Variants in DNAJC13 observed in about 807,000 individuals in gnomAD.
DNAJC13 encodes DnaJ heat shock protein family (Hsp40) member C13.
Under a neutral mutation model 290.5 loss-of-function variants are expected in DNAJC13, and 75 were observed. The ratio of observed to expected loss-of-function variants is 0.26; its 90% CI spans 0.21 to 0.31. DNAJC13 has a LOEUF of 0.31. DNAJC13 is among the 10% of genes least tolerant of loss of function. The pLI is 1.00. For synonymous variants in DNAJC13, 862 were observed against 892.0 expected, an observed-to-expected ratio of 0.97 and a Z score of 0.60; for missense variants, 2,260 against 2,674.5, an observed-to-expected ratio of 0.85 and a Z score of 3.42.
rs192659200 is a variant in DNAJC13 at position 132,434,971 on chromosome 3, C to A, written c.68+353C>A. Among the ~76,000 whole-genome samples the A allele has an allele frequency of 1.3e-5, 2 of 152,248 alleles. 1 individual carries two copies. The highest frequency in any genetic ancestry group is 1.3e-4 in the Admixed American group (2 of 15,294). On this transcript the variant is annotated intron_variant, in intron 2 of 55. Transcript: ENST00000260818. Reference sequence around the variant, plus strand: ...TACCCAGTGACTAACCTGTCTGTAGCCAACATTTTCATATCCGTTTGACTG... The same window carrying A: ...TACCCAGTGACTAACCTGTCTGTAGACAACATTTTCATATCCGTTTGACTG...
intron 41 of DNAJC13, 50 bp from the exon 42 acceptor site, chr3:132,505,252 T>A (rs1309853678): frequency 2.5e-6 from 3 of 1,184,512 alleles, no homozygotes; most frequent in Non-Finnish European, 3.7e-6. Context: ...AGTGATAATG[T>A]CAATAAGTTT....
At chr3:132,445,396 A>G (rs1253727456) in intron 2 of DNAJC13, among the ~76,000 whole-genome samples, 2 of 152,104 alleles carry the variant, frequency 1.3e-5, no homozygotes, top group Admixed American at 6.5e-5. Context: ...TGTTACTGCT[A>G]ATATTAGCTT....
intron 26 of DNAJC13, 94 bp downstream of exon 26, chr3:132,480,564 C>T (rs1390961311): frequency 1.1e-6 from 1 of 919,476 alleles, no homozygotes; most frequent in East Asian, 2.6e-5. Flanking sequence ...GATGTGGTCA[C>T]ACACTTATTT....
rs1192597806 is a variant in DNAJC13 at position 132,456,313 on chromosome 3, C to A, written c.1011C>A (p.Thr337=). 5.0e-6 allele frequency: 8 copies of A among 1,613,892 alleles called. No individual in the cohort carries two copies. Among genetic ancestry groups the A allele is most frequent in the African/African-American group, 1.3e-5 (1 of 74,978 alleles). The part of the protein sequence containing the change: ...NRDVCVKMTP[T]HKGQRWGLLS... Reference sequence around the variant, plus strand: ...ATGTTTGTGTAAAAATGACACCAACCCATAAAGGTCAGCGATGGGGGTTAC... The same window carrying A: ...ATGTTTGTGTAAAAATGACACCAACACATAAAGGTCAGCGATGGGGGTTAC... The change falls in exon 10 of 56, where the codon ACC becomes ACA. Residue 337 remains threonine (T), a synonymous_variant. Coordinates refer to ENST00000260818, the MANE Select transcript of DNAJC13 (RefSeq NM_015268.4).
In DNAJC13 at chr3:132,505,409, T is replaced by C. The variant is rs780588912; in HGVS notation, c.4992T>C (p.Ile1664=). The C allele has an allele frequency of 1.3e-6, 2 of 1,568,486 alleles. No homozygotes were observed. The highest frequency in any genetic ancestry group is 1.7e-6 in the Non-Finnish European group (2 of 1,143,020). ...EFLESQQENM[I]KKGDCDKTYG... Reference sequence around the variant, plus strand: ...TTGAATCCCAACAAGAAAACATGATTAAAAAAGTATGTTATTGTTTTATAA... The same window carrying C: ...TTGAATCCCAACAAGAAAACATGATCAAAAAAGTATGTTATTGTTTTATAA... The change falls in exon 42 of 56, where the codon ATT becomes ATC. Residue 1664 remains isoleucine (I), a synonymous_variant. Transcript: ENST00000260818.
chr3:132,475,922 TTTTTA>T (rs961056406), intron 22 of DNAJC13, among the ~76,000 whole-genome samples: 96 of 152,256 alleles, frequency 6.3e-4, no homozygotes, highest in African/African-American at 2.2e-3. Context: ...GCTTTAAATA[TTTTTA>T]TTTTATTTTA....
intron 55 of DNAJC13, among the ~76,000 whole-genome samples, chr3:132,531,819 C>T (rs1217242525): frequency 6.6e-6 from 1 of 151,808 alleles, no homozygotes; most frequent in Non-Finnish European, 1.5e-5. Flanking sequence ...AAGATATTCT[C>T]CTAAGTTTCC....
At position 132,449,696 on chromosome 3, in the gene DNAJC13, A is replaced by G. The variant is rs1352989588; in HGVS notation, c.337-951A>G. On this transcript the variant is annotated intron_variant, in intron 5 of 55. Coordinates refer to ENST00000260818, the MANE Select transcript of DNAJC13 (RefSeq NM_015268.4). ...TTCACTCTCTTTTCTGAAAACCTAGAAGATAATTTCTTATTTCAGTATCAG... is the reference window on the plus strand; with the variant it reads ...TTCACTCTCTTTTCTGAAAACCTAGGAGATAATTTCTTATTTCAGTATCAG... Among the ~76,000 whole-genome samples, 3 of 152,124 alleles carry G rather than the reference A, an allele frequency of 2.0e-5. No individual in the cohort carries two copies. The East Asian group carries it at 5.8e-4, about 29-fold the overall frequency.
intron 20 of DNAJC13, 144 bp downstream of exon 20, chr3:132,467,457 T>G (rs1042280321): frequency 6.8e-6 from 5 of 731,788 alleles, no homozygotes; most frequent in Non-Finnish European, 1.0e-5. Flanking sequence ...ATTTCTTTCT[T>G]TTTTATTTTA....
intron 55 of DNAJC13, among the ~76,000 whole-genome samples, chr3:132,535,972 C>CA (rs1936578019): frequency 6.6e-6 from 1 of 152,170 alleles, no homozygotes; most frequent in Non-Finnish European, 1.5e-5. Context: ...CCTAAAGAGG[C>CA]AAATGATGGT....
chr3:132,522,699 G>A (rs1439396019), intron 48 of DNAJC13, 129 bp from the exon 49 acceptor site: 3 of 722,184 alleles, frequency 4.2e-6, no homozygotes, highest in Non-Finnish European at 6.5e-6. Context: ...GAACTTTTAG[G>A]TAATGGTTAT....
At chr3:132,470,912 C>T (rs1179836950) in intron 20 of DNAJC13, among the ~76,000 whole-genome samples, 2 of 129,512 alleles carry the variant, frequency 1.5e-5, no homozygotes, top group Admixed American at 7.2e-5. Context: ...ACCTCCCTCC[C>T]GGACGGGGCG....
chr3:132,511,677 T>C (rs1008747744), intron 44 of DNAJC13, among the ~76,000 whole-genome samples: 1 of 152,160 alleles, frequency 6.6e-6, no homozygotes, highest in African/African-American at 2.4e-5. Flanking sequence ...TTTTGGTGTA[T>C]AAAAATTGAA....
At position 132,484,839 on chromosome 3, in the gene DNAJC13, C is replaced by T. The variant is rs11712240; in HGVS notation, c.3267+167C>T. ...ATCCCAGCACTTTGGGAGGCTGAGG[C>T]GGGAGGGTTGCTTGAGTCAAGGAGT... is the stretch of plus-strand genomic sequence containing the variant. On this transcript the variant is annotated intron_variant, in intron 29 of 55. Transcript: ENST00000260818. 0.1 allele frequency among the ~76,000 whole-genome samples: 15,316 copies of T among 151,944 alleles called. 1,442 individuals are homozygous for T. The highest frequency in any genetic ancestry group is 0.53 in the East Asian group (2,749 of 5,152).
intron 36 of DNAJC13, among the ~76,000 whole-genome samples, chr3:132,498,754 C>T (rs186861665): frequency 5.9e-5 from 9 of 151,624 alleles, no homozygotes; most frequent in East Asian, 3.9e-4. Context: ...CTTGCCCTGT[C>T]GCCCAGGCTG....
chr3:132,525,847 T>C lies in DNAJC13; in HGVS notation c.6240+58T>C, dbSNP rs369571369. On this transcript the variant is annotated intron_variant, in intron 52 of 55. Transcript: ENST00000260818. ...TCCAGAATTTATCTATGCTCCCTTC[T>C]TGACGGATATAAGTTGTAGTATTAT... 1.1e-5 allele frequency: 17 copies of C among 1,548,764 alleles called. No individual in the cohort carries two copies. In the East Asian group the frequency reaches 1.1e-4, roughly 10 times the overall value.
chr3:132,427,075 A>ATGTG (rs10576541), intron 1 of DNAJC13, among the ~76,000 whole-genome samples: 2,362 of 140,778 alleles, frequency 0.017, 81 homozygotes, highest in African/African-American at 0.058. Flanking sequence ...ATATATACAT[A>ATGTG]TGTGTGTGTG....
In DNAJC13 at chr3:132,505,390, C is replaced by T. The variant is rs1353280642; in HGVS notation, c.4973C>T (p.Ser1658Phe). The change falls in exon 42 of 56, where the codon TCC becomes TTC. Residue 1658 changes from serine to phenylalanine, a missense_variant. By Grantham distance (155) the Ser-to-Phe change is radical. Around this residue, in one of 3 missense-constraint regions of DNAJC13, gnomAD observed 1,494 missense variants for 1,693.7 expected, o/e 0.88. Transcript: ENST00000260818. ...TRAELLEFLE[S>F]QQENMIKKGD... Reference sequence around the variant, plus strand: ...GCAGAATTACTTGAATTTCTTGAATCCCAACAAGAAAACATGATTAAAAAA... The same window carrying T: ...GCAGAATTACTTGAATTTCTTGAATTCCAACAAGAAAACATGATTAAAAAA... The T allele has an allele frequency of 6.3e-7, 1 of 1,599,716 alleles. No individual in the cohort carries two copies. The highest frequency in any genetic ancestry group is 8.6e-7 in the Non-Finnish European group (1 of 1,168,976).
At chr3:132,463,557 T>G in intron 16 of DNAJC13, 139 bp from the exon 17 acceptor site, 1 of 890,952 alleles carries the variant, frequency 1.1e-6, no homozygotes, top group Non-Finnish European at 1.6e-6. Context: ...TTTTTTTGGG[T>G]GATTAGAAGA....
Sources: allele counts gnomAD v4.1 joint callset (sites outside exome capture counted in the v4.1 genomes callset), GRCh38; gene constraint gnomAD v4.1.1; regional missense constraint gnomAD v4.1.1; transcripts MANE v1.5; gene names NCBI Gene and HGNC (gene_info 2026-07-23, HGNC 2026-07-21).